CFAP45: variants seen among roughly 807,000 people sequenced by gnomAD.
The protein encoded by CFAP45 is cilia- and flagella-associated protein 45.
In CFAP45, 43 loss-of-function variants were observed where a neutral mutation model predicts 75.6. The observed-to-expected ratio is 0.57, with a 90% CI of 0.45 to 0.73. The LOEUF (loss-of-function observed/expected upper bound fraction) is 0.73, where lower values mean the gene tolerates loss of function less well. Ranked by LOEUF, CFAP45 falls within the 30% of genes least tolerant of loss-of-function variation. The pLI is 0.00. For synonymous variants in CFAP45, 223 were observed against 244.6 expected (o/e 0.91, Z 0.82); for missense variants, 689 against 701.5 (o/e 0.98, Z 0.20).
intron 11 of CFAP45, 117 bp from the exon 12 acceptor site, chr1:159,872,680 T>C: frequency 1.1e-6 from 1 of 921,178 alleles, no homozygotes. Flanking sequence ...CCAACCCTGC[T>C]CTCACAATCC....
chr1:159,893,040 G>A, intron 2 of CFAP45, 140 bp downstream of exon 2: 1 of 883,962 alleles, frequency 1.1e-6, no homozygotes. Flanking sequence ...CTGCAGCTCA[G>A]GTCTCAGAAT....
At chr1:159,879,564 A>C (rs1271159006) in intron 8 of CFAP45, among the ~76,000 whole-genome samples, 1 of 152,218 alleles carries the variant, frequency 6.6e-6, no homozygotes, top group African/African-American at 2.4e-5. Flanking sequence ...GATTGTTATT[A>C]TGTAGGAATC....
chr1:159,896,844 TAGG>T (rs1197917188), intron 1 of CFAP45, among the ~76,000 whole-genome samples: 4 of 152,226 alleles, frequency 2.6e-5, no homozygotes, highest in African/African-American at 9.6e-5. Context: ...CAGCCACAGC[TAGG>T]AGCTCTATGA....
At chr1:159,888,083 C>T (rs1364687287) in intron 4 of CFAP45, 72 bp from the exon 5 acceptor site, 4 of 1,509,532 alleles carry the variant, frequency 2.6e-6, no homozygotes, top group African/African-American at 1.4e-5. Context: ...AGCCTGGCTA[C>T]CACAGGTGAC....
At chr1:159,886,869 G>A (rs1035386614) in intron 5 of CFAP45, among the ~76,000 whole-genome samples, 180 bp from the exon 6 acceptor site, 1 of 152,152 alleles carries the variant, frequency 6.6e-6, no homozygotes, top group Non-Finnish European at 1.5e-5. Flanking sequence ...TTAGCTCAAA[G>A]ATTTACTGGC....
At chr1:159,897,547 C>G (rs1056732712) in intron 1 of CFAP45, among the ~76,000 whole-genome samples, 27 of 152,176 alleles carry the variant, frequency 1.8e-4, no homozygotes, top group Non-Finnish European at 4.4e-5. Flanking sequence ...CACGCCACTG[C>G]ACTCCAGCCT....
chr1:159,883,171 C>A (rs1412130635), intron 7 of CFAP45, among the ~76,000 whole-genome samples: 3 of 152,158 alleles, frequency 2.0e-5, no homozygotes, highest in African/African-American at 7.2e-5. Flanking sequence ...AATACGTGTT[C>A]CACAAGTTAA....
chr1:159,880,396 A>T (rs1278009679), intron 8 of CFAP45, among the ~76,000 whole-genome samples, 158 bp downstream of exon 8: 2 of 152,198 alleles, frequency 1.3e-5, no homozygotes, highest in African/African-American at 4.8e-5. Context: ...ACTGGCTAAG[A>T]TGAAGAGACA....
rs990944379 is a variant in CFAP45 at position 159,888,370 on chromosome 1, C to A, written c.399G>T (p.Lys133Asn). 1 of 1,614,132 alleles carries A rather than the reference C, an allele frequency of 6.2e-7. No individual in the cohort carries two copies. The highest frequency in any genetic ancestry group is 8.5e-7 in the Non-Finnish European group (1 of 1,180,014). Residue 133 changes from lysine (K) to asparagine (N), a missense_variant, in exon 4 of 12, where the codon AAG becomes AAT. Lys to Asn is a moderately conservative substitution (Grantham distance 94). Coordinates refer to ENST00000368099, the MANE Select transcript of CFAP45 (RefSeq NM_012337.3). ...TAACTACCATGGTGGCTTCCTTCTC[C>A]TTCTTGAAGGCCTGGTCCCTGGCCT... ...ELEARDQAFK[K>N]EKEATMDAVM... is the part of the protein sequence containing the mutation.
At chr1:159,889,309 T>A (rs1395195914) in intron 3 of CFAP45, among the ~76,000 whole-genome samples, 2 of 152,038 alleles carry the variant, frequency 1.3e-5, no homozygotes, top group Non-Finnish European at 2.9e-5. Flanking sequence ...TGCTTCTGGG[T>A]GAGGCAGGTA....
rs1649523559 is a variant in CFAP45, at chr1:159,880,476, C to T, written c.1044+78G>A. 5.9e-6 allele frequency: 8 copies of T among 1,356,678 alleles called. No individual in the cohort carries two copies. In the South Asian group the frequency reaches 1.1e-4, roughly 19 times the overall value. 84.0% of individuals were successfully genotyped at this position (1,356,678 alleles called of 1,614,324 possible). Reference sequence around the variant, plus strand: ...GGTGCGGCTGCCTTCCACTGGAGTTCCCTTAGTTCTCAGGCCCTCCTCTCC... The same window carrying T: ...GGTGCGGCTGCCTTCCACTGGAGTTTCCTTAGTTCTCAGGCCCTCCTCTCC... On this transcript the variant is annotated intron_variant, in intron 8 of 11. Transcript: ENST00000368099.
Position 159,888,029 on chromosome 1 carries a change from G to A in CFAP45, c.418-18C>T. 1.2e-6 allele frequency: 2 copies of A among 1,610,636 alleles called. No individual in the cohort carries two copies. The highest frequency in any genetic ancestry group is 1.7e-6 in the Non-Finnish European group (2 of 1,177,360). On this transcript the variant is annotated intron_variant, in intron 4 of 11. Transcript: ENST00000368099. The stretch of plus-strand genomic sequence containing the variant: ...ACTGCATCCTAAGGGAGACCAGTCT[G>A]GCTCAGTGGGAGATTATTTCATGCG...
At position 159,873,044 on chromosome 1, in the gene CFAP45, G is replaced by C. The variant is rs148876212; in HGVS notation, c.1477C>G (p.Arg493Gly). The C allele has an allele frequency of 1.9e-4, 305 of 1,614,220 alleles. No homozygotes were observed. Among genetic ancestry groups the C allele is most frequent in the Admixed American group, 4.8e-4 (29 of 60,028 alleles). Residue 493 changes from arginine (R) to glycine (G), a missense_variant, in exon 11 of 12, where the codon CGG (arginine) becomes GGG (glycine). Transcript: ENST00000368099. ...CGGCCCTCCTCAAAGGTGGCAATCCGGTTCTGCACTTCCTTCTGCTGGTTC... is the reference window on the plus strand; with the variant it reads ...CGGCCCTCCTCAAAGGTGGCAATCCCGTTCTGCACTTCCTTCTGCTGGTTC... ...RENQQKEVQN[R>G]IATFEEGRRL...
chr1:159,875,287 G>C (rs1414078973), intron 10 of CFAP45, among the ~76,000 whole-genome samples: 1 of 152,230 alleles, frequency 6.6e-6, no homozygotes, highest in Non-Finnish European at 1.5e-5. Flanking sequence ...GAGGAGAGAG[G>C]AGACATCTGG....
At chr1:159,886,112 C>A (rs59684408) in intron 6 of CFAP45, among the ~76,000 whole-genome samples, 8,755 of 152,074 alleles carry the variant, frequency 0.058, 435 homozygotes, top group African/African-American at 0.14. Flanking sequence ...GAGGCTGAGG[C>A]CGGGGGATCA....
intron 7 of CFAP45, among the ~76,000 whole-genome samples, chr1:159,881,760 C>T (rs188056784): frequency 6.6e-6 from 1 of 152,296 alleles, no homozygotes; most frequent in Admixed American, 6.5e-5. Context: ...TTCAACAGCT[C>T]TCAATGATCA....
chr1:159,895,279 T>C (rs940810274), intron 1 of CFAP45, among the ~76,000 whole-genome samples: 4 of 152,086 alleles, frequency 2.6e-5, no homozygotes, highest in African/African-American at 9.7e-5. Context: ...CCCACACCTC[T>C]CTAAACTGGG....
rs1427514874 is a variant in CFAP45 at position 159,888,326 on chromosome 1, G to A, written c.417+26C>T. On this transcript the variant is annotated intron_variant, in intron 4 of 11. Transcript: ENST00000368099. ...TTTGATTCTGCCACCCATCTGCAGA[G>A]GTGAAGGCTTAGGGAGGTTAACTAC... 6 of 1,611,782 alleles carry A rather than the reference G, an allele frequency of 3.7e-6. No individual in the cohort carries two copies. The African/African-American group carries it at 8.0e-5, about 22-fold the overall frequency.
In CFAP45 at chr1:159,884,068, C is replaced by T. The variant is rs146361696; in HGVS notation, c.897+368G>A. On this transcript the variant is annotated intron_variant, in intron 7 of 11. Coordinates refer to ENST00000368099, the MANE Select transcript of CFAP45 (RefSeq NM_012337.3). Reference sequence around the variant, plus strand: ...GGAGTCTGGAACTAAGATATTGCTACTGTTCATCTACAAAGTATATAATAT... The same window carrying T: ...GGAGTCTGGAACTAAGATATTGCTATTGTTCATCTACAAAGTATATAATAT... 6.8e-3 allele frequency among the ~76,000 whole-genome samples: 1,028 copies of T among 152,292 alleles called. 17 individuals carry two copies. The highest frequency in any genetic ancestry group is 0.024 in the African/African-American group (984 of 41,562).
Sources: gnomAD v4.1 joint callset for allele counts (sites outside exome capture counted in the v4.1 genomes callset) on GRCh38, gnomAD v4.1.1 for gene constraint, MANE v1.5 for transcripts, NCBI Gene and HGNC (gene_info 2026-07-23, HGNC 2026-07-21) for gene names.